SH3TC1: variants seen among roughly 807,000 people sequenced by gnomAD.
The protein encoded by SH3TC1 is SH3 domain and tetratricopeptide repeats 1, also known as SH3 domain and tetratricopeptide repeat-containing protein 1.
A neutral mutation model predicts 117.3 loss-of-function variants in SH3TC1; 135 were observed. The ratio of observed to expected loss-of-function variants is 1.15; its 90% CI spans 1.00 to 1.33. SH3TC1 has a LOEUF of 1.33. Among genes scored for constraint, SH3TC1 ranks in the 40% most tolerant of loss-of-function variants. SH3TC1 has a pLI of 0.00. For missense variants in SH3TC1, 2,092 were observed against 1,794.3 expected (o/e 1.17, Z -3.00); for synonymous variants, 898 against 816.9 (o/e 1.10, Z -1.69).
chr4:8,222,837 C>T lies in SH3TC1; in HGVS notation c.1113-3C>T. ...TTTGAATAAAGCACTTTATTTTTTCCAGGTTGGAAAGTGCGATTTTTCTCA... is the reference window on the plus strand; with the variant it reads ...TTTGAATAAAGCACTTTATTTTTTCTAGGTTGGAAAGTGCGATTTTTCTCA... On this transcript the variant is annotated splice_region_variant and splice_polypyrimidine_tract_variant and intron_variant, in intron 9 of 17. Coordinates refer to ENST00000245105, the MANE Select transcript of SH3TC1 (RefSeq NM_018986.5). 1.1e-5 allele frequency: 17 copies of T among 1,607,536 alleles called. No homozygotes were observed. Among genetic ancestry groups the T allele is most frequent in the Non-Finnish European group, 1.4e-5 (16 of 1,174,848 alleles).
rs1203906656 is a variant in SH3TC1, at chr4:8,222,676, T to TTTG, written c.1113-146_1113-144dup. On this transcript the variant is annotated intron_variant, in intron 9 of 17. Transcript: ENST00000245105. ...GGTGTGAGCCACCATGCCTGGACTT[T>TTTG]TTGTTGTTGTTGTTGTTGTTTTTAA... is the stretch of plus-strand genomic sequence containing the variant. Among the ~76,000 whole-genome samples, 20 of 15,076 alleles carry TTTG rather than the reference T, an allele frequency of 1.3e-3. No individual in the cohort carries two copies. The South Asian group carries it at 0.069, about 52-fold the overall frequency. 9.9% of individuals were successfully genotyped at this position (15,076 alleles called of 152,430 possible). A position where few individuals can be genotyped will look rare whatever the true frequency, so the allele number is the denominator to read the frequency against.
intron 1 of SH3TC1, among the ~76,000 whole-genome samples, chr4:8,188,322 G>A (rs189024130): frequency 1.4e-4 from 22 of 152,296 alleles, no homozygotes; most frequent in South Asian, 2.1e-4. Context: ...CATCCATGTC[G>A]GATGCTGAGC....
At chr4:8,237,042 G>A (rs886236244) in intron 16 of SH3TC1, 21 of 168,482 alleles carry the variant, frequency 1.2e-4, no homozygotes, top group Non-Finnish European at 1.8e-4. Context: ...GGGTGGGCTC[G>A]CGCATCTGTG....
rs1237650133 is a variant in SH3TC1 at position 8,190,184 on chromosome 4, C to T, written c.-57+7974C>T. Among the ~76,000 whole-genome samples, 1 of 152,200 alleles carries T rather than the reference C, an allele frequency of 6.6e-6. No individual in the cohort carries two copies. Among genetic ancestry groups the T allele is most frequent in the East Asian group, 1.9e-4 (1 of 5,186 alleles). ...GTCCAGGTGGGTAGCAGGGAGTCTGCAGGAATCCCCCTTGGAGCCCTCCTC... is the reference window on the plus strand; with the variant it reads ...GTCCAGGTGGGTAGCAGGGAGTCTGTAGGAATCCCCCTTGGAGCCCTCCTC... On this transcript the variant is annotated intron_variant, in intron 1 of 16. Transcript: ENST00000508641. The surrounding 1 kb of genome is among the most constrained non-coding windows in gnomAD (Gnocchi z 4.7).
intron 1 of SH3TC1, among the ~76,000 whole-genome samples, chr4:8,200,332 A>C (rs1717752086): frequency 6.6e-6 from 1 of 151,986 alleles, no homozygotes; most frequent in Admixed American, 6.6e-5. Flanking sequence ...CTGGGCTCTG[A>C]CCACCTGGGT....
intron 1 of SH3TC1, among the ~76,000 whole-genome samples, chr4:8,187,335 G>C (rs569258665): frequency 6.7e-6 from 1 of 149,736 alleles, no homozygotes; most frequent in Non-Finnish European, 1.5e-5. Flanking sequence ...GAAGGGTGTT[G>C]GTTGGGTTTC....
At chr4:8,231,616 T>G (rs1365444826) in intron 12 of SH3TC1, 4 of 251,572 alleles carry the variant, frequency 1.6e-5, no homozygotes, top group Non-Finnish European at 2.3e-5. Flanking sequence ...ACATTTGGTT[T>G]TGCTCCCCCA....
intron 12 of SH3TC1, chr4:8,229,326 G>T (rs1046717997): frequency 1.3e-5 from 2 of 151,238 alleles, no homozygotes; most frequent in African/African-American, 4.9e-5. Context: ...GGGGCCAGAG[G>T]GTTGAGAAGA....
intron 17 of SH3TC1, among the ~76,000 whole-genome samples, chr4:8,238,037 G>C (rs759292784): frequency 3.9e-5 from 6 of 152,174 alleles, no homozygotes; most frequent in African/African-American, 7.2e-5. Flanking sequence ...TAGGGAGAAG[G>C]ACATTTGGGG....
Position 8,218,275 on chromosome 4 carries a change from G to T in SH3TC1, c.844G>T (p.Ala282Ser), listed in dbSNP as rs1248663347. 6.2e-7 allele frequency: 1 copy of T among 1,610,068 alleles called. No homozygotes were observed. Among genetic ancestry groups the T allele is most frequent in the African/African-American group, 1.3e-5 (1 of 74,970 alleles). The change falls in exon 8 of 18, where the codon GCT becomes TCT. Residue 282 changes from alanine to serine, a missense_variant. Coordinates refer to ENST00000245105, the MANE Select transcript of SH3TC1 (RefSeq NM_018986.5). ...PEPLIPFHQWALRIPQDPIDD... is the reference protein window; with the variant it reads ...PEPLIPFHQWSLRIPQDPIDD... ...ACCTCCCTCTTCCGGCTCCAGGTGG[G>T]CTCTTAGGATCCCCCAGGACCCCAT...
Position 8,217,167 on chromosome 4 carries a change from A to C in SH3TC1, c.839A>C (p.Gln280Pro). 6.2e-7 allele frequency: 1 copy of C among 1,603,076 alleles called. No individual in the cohort carries two copies. The highest frequency in any genetic ancestry group is 8.5e-7 in the Non-Finnish European group (1 of 1,174,962). Reference protein sequence around the residue: ...AAPEPLIPFHQWALRIPQDPI... With the variant: ...AAPEPLIPFHPWALRIPQDPI... ...CCGGAGCCTTTGATTCCATTTCATCAGTAGGTACCGGCCTTTGCTGCTCTG... is the reference window on the plus strand; with the variant it reads ...CCGGAGCCTTTGATTCCATTTCATCCGTAGGTACCGGCCTTTGCTGCTCTG... The change falls in exon 7 of 18, where the codon CAG (glutamine) becomes CCG (proline). Residue 280 changes from glutamine (Q) to proline (P), a missense_variant and splice_region_variant. Gln to Pro is a moderately conservative substitution (Grantham distance 76). Transcript: ENST00000245105.
At chr4:8,200,291 C>G (rs1431028847) in intron 1 of SH3TC1, among the ~76,000 whole-genome samples, 1 of 152,132 alleles carries the variant, frequency 6.6e-6, no homozygotes, top group Non-Finnish European at 1.5e-5. Context: ...GGGCCCGAGT[C>G]AGGTCTGGGT....
rs1720667164 is a variant in SH3TC1 at position 8,227,830 on chromosome 4, C to T, written c.2136C>T (p.Leu712=). The T allele has an allele frequency of 3.1e-6, 5 of 1,612,682 alleles. No homozygotes were observed. The highest frequency in any genetic ancestry group is 3.4e-6 in the Non-Finnish European group (4 of 1,179,992). Residue 712 remains leucine, a synonymous_variant, in exon 12 of 18, where the codon CTC becomes CTT. Transcript: ENST00000245105. The stretch of plus-strand genomic sequence containing the variant: ...CGTGGCTCTCAGACTGCTACCTACT[C>T]CTGGCTGACATCTACAGCCGCAAGT... ...EAAWLSDCYL[L]LADIYSRKCL... is the part of the protein sequence containing the mutation.
At chr4:8,219,095 T>C (rs112130952) in intron 8 of SH3TC1, among the ~76,000 whole-genome samples, 197 of 152,226 alleles carry the variant, frequency 1.3e-3, no homozygotes, top group African/African-American at 4.5e-3. Context: ...TGGCCGAGGC[T>C]TATTTATCAA....
intron 17 of SH3TC1, among the ~76,000 whole-genome samples, chr4:8,239,498 G>A (rs778030711): frequency 9.6e-5 from 14 of 146,326 alleles, no homozygotes; most frequent in Non-Finnish European, 1.5e-4. Context: ...ACAGGCACAC[G>A]CAAATGCACC....
At chr4:8,185,946 C>G (rs1717206622) in intron 1 of SH3TC1, among the ~76,000 whole-genome samples, 1 of 152,186 alleles carries the variant, frequency 6.6e-6, no homozygotes, top group South Asian at 2.1e-4. Context: ...CTCCTGGATG[C>G]CCAGTGCTGC....
intron 12 of SH3TC1, among the ~76,000 whole-genome samples, chr4:8,230,170 C>T (rs370229326): frequency 4.6e-5 from 7 of 152,134 alleles, no homozygotes; most frequent in Non-Finnish European, 1.0e-4. Context: ...TTGGCTGTTG[C>T]GTCTAGATGA....
In SH3TC1 at chr4:8,190,555, C is replaced by T. The variant is rs543691911; in HGVS notation, c.-57+8345C>T. 6.6e-6 allele frequency among the ~76,000 whole-genome samples: 1 copy of T among 151,022 alleles called. No individual in the cohort carries two copies. Among genetic ancestry groups the T allele is most frequent in the South Asian group, 2.1e-4 (1 of 4,760 alleles). ...CCCTGCTGTGTGCCCTCATCTGGGA[C>T]CTTCTCCTCTGTGCACTCTCTCGGT... is the stretch of plus-strand genomic sequence containing the variant. On this transcript the variant is annotated intron_variant, in intron 1 of 16. Transcript: ENST00000508641. The surrounding 1 kb of genome is among the most constrained non-coding windows in gnomAD (Gnocchi z 4.7).
At chr4:8,221,460 TA>T (rs1719914795) in intron 9 of SH3TC1, among the ~76,000 whole-genome samples, 1 of 152,220 alleles carries the variant, frequency 6.6e-6, no homozygotes, top group Non-Finnish European at 1.5e-5. Context: ...TTTTTTTCTT[TA>T]ACTTTATTTT....
Sources: allele counts gnomAD v4.1 joint callset (sites outside exome capture counted in the v4.1 genomes callset), GRCh38; gene constraint gnomAD v4.1.1; non-coding constraint Gnocchi (gnomAD v3.1); transcripts MANE v1.5; gene names NCBI Gene and HGNC (gene_info 2026-07-23, HGNC 2026-07-21).